The following FBXL7 variants were observed in gnomAD, a reference collection of about 807,000 sequenced individuals.
The protein encoded by FBXL7 is F-box and leucine rich repeat protein 7, also known as F-box/LRR-repeat protein 7.
In FBXL7, 12 loss-of-function variants were observed where a neutral mutation model predicts 38.3. That is an observed-to-expected ratio of 0.31 (90% CI 0.20 to 0.51). The LOEUF is 0.51. FBXL7 is among the 20% of genes least tolerant of loss of function. The pLI, the probability that FBXL7 is intolerant of heterozygous loss-of-function variation, is 0.98. For synonymous variants in FBXL7, 297 were observed against 300.9 expected (o/e 0.99, Z 0.13); for missense variants, 567 against 676.4 (o/e 0.84, Z 1.79).
intron 2 of FBXL7, among the ~76,000 whole-genome samples, chr5:15,889,868 G>A (rs1336904988): frequency 1.3e-5 from 2 of 152,054 alleles, no homozygotes; most frequent in Non-Finnish European, 2.9e-5. Flanking sequence ...TAAAAACCAG[G>A]ACTAACACTT....
intron 2 of FBXL7, among the ~76,000 whole-genome samples, chr5:15,898,689 T>A (rs1249366183): frequency 6.6e-6 from 1 of 152,220 alleles, no homozygotes; most frequent in African/African-American, 2.4e-5. Flanking sequence ...ATAGTTCCCA[T>A]AGACACGAGG....
chr5:15,652,911 A>G (rs1430903241), intron 2 of FBXL7, among the ~76,000 whole-genome samples: 3 of 152,236 alleles, frequency 2.0e-5, no homozygotes, highest in African/African-American at 7.2e-5. Context: ...GGATAAATGC[A>G]TGAGGTGATA....
intron 1 of FBXL7, among the ~76,000 whole-genome samples, chr5:15,568,989 A>G (rs1383724719): frequency 6.6e-6 from 1 of 152,018 alleles, no homozygotes; most frequent in Non-Finnish European, 1.5e-5. Flanking sequence ...TTTTGTTACT[A>G]TAGCCTTGTA....
chr5:15,818,567 C>T (rs1738081742), intron 2 of FBXL7, among the ~76,000 whole-genome samples: 2 of 151,980 alleles, frequency 1.3e-5, no homozygotes, highest in Admixed American at 1.3e-4. Flanking sequence ...AAATATGTTT[C>T]TTATTTCTTA....
At chr5:15,935,826 T>A (rs943804340) in intron 3 of FBXL7, among the ~76,000 whole-genome samples, 2 of 152,240 alleles carry the variant, frequency 1.3e-5, no homozygotes, top group African/African-American at 4.8e-5. Flanking sequence ...ATATCTGAAG[T>A]GTCGGCTCAC....
chr5:15,586,297 C>T (rs1187260725), intron 1 of FBXL7, among the ~76,000 whole-genome samples: 1 of 116,154 alleles, frequency 8.6e-6, no homozygotes, highest in African/African-American at 3.2e-5. Flanking sequence ...CTTTCTCTCT[C>T]TCTCCCCCCT....
chr5:15,770,097 G>T (rs1736690042), intron 2 of FBXL7, among the ~76,000 whole-genome samples: 1 of 152,158 alleles, frequency 6.6e-6, no homozygotes, highest in African/African-American at 2.4e-5. Context: ...AGATGGATTT[G>T]CTCTGTTGAT....
chr5:15,696,510 CTT>C (rs1257779337), intron 2 of FBXL7, among the ~76,000 whole-genome samples: 4 of 152,084 alleles, frequency 2.6e-5, no homozygotes, highest in Non-Finnish European at 4.4e-5. Context: ...TTAATTAAGA[CTT>C]TATCCTATGT....
chr5:15,834,712 G>T (rs1293694604), intron 2 of FBXL7, among the ~76,000 whole-genome samples: 3 of 152,162 alleles, frequency 2.0e-5, no homozygotes, highest in Non-Finnish European at 4.4e-5. Context: ...ACTCTGCCAC[G>T]TAGAAGCTGT....
rs559696451 is a variant in FBXL7 at position 15,939,094 on chromosome 5, A to G, written c.*1908A>G. 8 of 398,974 alleles carry G rather than the reference A, an allele frequency of 2.0e-5. No homozygotes were observed. The South Asian group carries it at 1.0e-3, about 51-fold the overall frequency. The allele number at this position is 398,974 out of a possible 1,614,324, so 24.7% of individuals were successfully genotyped here. ...TGTGGGGGATGGAGAGGTTAGTGTGATGAGGTGGTGTCTGCCCAGGAGGTT... is the reference window on the plus strand; with the variant it reads ...TGTGGGGGATGGAGAGGTTAGTGTGGTGAGGTGGTGTCTGCCCAGGAGGTT... On this transcript the variant is annotated 3_prime_UTR_variant, in exon 4 of 4. Transcript: ENST00000504595.
At chr5:15,535,824 G>A (rs548454969) in intron 1 of FBXL7, among the ~76,000 whole-genome samples, 13 of 152,334 alleles carry the variant, frequency 8.5e-5, no homozygotes, top group Non-Finnish European at 1.2e-4. Context: ...CAAGCCAGCC[G>A]CAGAAATTTG....
chr5:15,715,572 T>C (rs145014472), intron 2 of FBXL7, among the ~76,000 whole-genome samples: 1 of 151,878 alleles, frequency 6.6e-6, no homozygotes, highest in African/African-American at 2.4e-5. Context: ...TATGTTACAC[T>C]TTGTGGGCCA....
chr5:15,889,514 G>C (rs1740816198), intron 2 of FBXL7, among the ~76,000 whole-genome samples: 1 of 152,212 alleles, frequency 6.6e-6, no homozygotes, highest in Admixed American at 6.5e-5. Context: ...CTTGTGACTA[G>C]AATCAGTGAA....
intron 1 of FBXL7, among the ~76,000 whole-genome samples, chr5:15,564,412 G>A (rs1738505402): frequency 6.8e-6 from 1 of 147,538 alleles, no homozygotes; most frequent in African/African-American, 2.5e-5. Flanking sequence ...GTGTGTGTGT[G>A]TGTATGTGTA....
chr5:15,633,669 T>C (rs1741070367), intron 2 of FBXL7, among the ~76,000 whole-genome samples: 1 of 151,548 alleles, frequency 6.6e-6, no homozygotes, highest in South Asian at 2.1e-4. Context: ...ACTTGGGTAA[T>C]AGGGATTCAC....
At chr5:15,622,724 A>G (rs1740695537) in intron 2 of FBXL7, among the ~76,000 whole-genome samples, 1 of 152,080 alleles carries the variant, frequency 6.6e-6, no homozygotes, top group Non-Finnish European at 1.5e-5. Flanking sequence ...TTATTTTTTG[A>G]GATGGAGTCT....
chr5:15,870,429 A>C (rs1403314999), intron 2 of FBXL7, among the ~76,000 whole-genome samples: 1 of 152,130 alleles, frequency 6.6e-6, no homozygotes, highest in African/African-American at 2.4e-5. Flanking sequence ...TGGAGAAACA[A>C]ATGCACGGAT....
chr5:15,762,116 G>A (rs1736463684), intron 2 of FBXL7, among the ~76,000 whole-genome samples: 1 of 152,108 alleles, frequency 6.6e-6, no homozygotes, highest in African/African-American at 2.4e-5. Context: ...ACTGGGAGGG[G>A]ATCTGCTTCT....
rs371653276 is a variant in FBXL7 at position 15,642,686 on chromosome 5, G to A, written c.127+26614G>A. Among the ~76,000 whole-genome samples, 50 of 152,140 alleles carry A rather than the reference G, an allele frequency of 3.3e-4. No individual in the cohort carries two copies. The East Asian group carries it at 9.1e-3, about 28-fold the overall frequency. On this transcript the variant is annotated intron_variant, in intron 2 of 3. Coordinates refer to ENST00000504595, the MANE Select transcript of FBXL7 (RefSeq NM_012304.5). ...GGCTAACCTTTGTACTCTTAGATAG[G>A]AGACAGACCTAGATAGGAGACAGAC...
Sources: allele counts gnomAD v4.1 joint callset (sites outside exome capture counted in the v4.1 genomes callset), GRCh38; gene constraint gnomAD v4.1.1; transcripts MANE v1.5; gene names NCBI Gene and HGNC (gene_info 2026-07-23, HGNC 2026-07-21).